NR3C2: variants seen among roughly 807,000 people sequenced by gnomAD.
NR3C2 encodes the protein nuclear receptor subfamily 3 group C member 2.
NR3C2 carries 15 observed loss-of-function variants against 86.4 expected under a neutral mutation model. The observed-to-expected ratio is 0.17, with a 90% CI of 0.12 to 0.27. NR3C2 has a LOEUF of 0.27. Among genes scored for constraint, NR3C2 ranks in the 10% least tolerant of loss-of-function variants. The pLI is 1.00. For synonymous variants in NR3C2, 458 were observed against 450.5 expected, an observed-to-expected ratio of 1.02 and a Z score of -0.21; for missense variants, 960 against 1,195.6, an observed-to-expected ratio of 0.80 and a Z score of 2.91.
chr4:148,272,922 AAAG>A (rs1304467829), intron 2 of NR3C2, among the ~76,000 whole-genome samples: 1 of 152,216 alleles, frequency 6.6e-6, no homozygotes, highest in African/African-American at 2.4e-5. Flanking sequence ...AGAAAAAGAT[AAAG>A]AAGTTGAAGT....
At chr4:148,336,166 G>A (rs770822183) in intron 2 of NR3C2, among the ~76,000 whole-genome samples, 1 of 152,186 alleles carries the variant, frequency 6.6e-6, no homozygotes, top group Non-Finnish European at 1.5e-5. Flanking sequence ...GAAGGGATCA[G>A]AACAAGTGTT....
At chr4:148,088,373 C>A (rs574862652) in intron 8 of NR3C2, among the ~76,000 whole-genome samples, 17 of 152,136 alleles carry the variant, frequency 1.1e-4, no homozygotes, top group Admixed American at 9.2e-4. Context: ...GGGTATATAC[C>A]CAAAGGATTA....
intron 2 of NR3C2, among the ~76,000 whole-genome samples, chr4:148,416,140 C>T (rs2126587711): frequency 6.6e-6 from 1 of 152,068 alleles, no homozygotes; most frequent in Middle Eastern, 3.4e-3. Flanking sequence ...ATAAGTTTAC[C>T]AAGATTTGGC....
At chr4:148,287,908 C>T (rs1478769120) in intron 2 of NR3C2, among the ~76,000 whole-genome samples, 1 of 152,052 alleles carries the variant, frequency 6.6e-6, no homozygotes, top group East Asian at 1.9e-4. Context: ...TAGATAATAC[C>T]TACTGAAATA....
chr4:148,309,727 T>C (rs1443346059), intron 2 of NR3C2, among the ~76,000 whole-genome samples: 1 of 152,270 alleles, frequency 6.6e-6, no homozygotes, highest in Admixed American at 6.5e-5. Context: ...GAAATCTTCA[T>C]ATTATCTCTC....
chr4:148,226,221 A>G (rs1362552931), intron 3 of NR3C2, among the ~76,000 whole-genome samples: 1 of 152,150 alleles, frequency 6.6e-6, no homozygotes, highest in African/African-American at 2.4e-5. Context: ...CAATATAGTA[A>G]GTCTGGATAA....
chr4:148,144,745 A>C (rs1364194440), intron 6 of NR3C2, among the ~76,000 whole-genome samples: 1 of 152,304 alleles, frequency 6.6e-6, no homozygotes, highest in Non-Finnish European at 1.5e-5. Context: ...TCAGGTGGGA[A>C]GATGGCCTCT....
chr4:148,269,008 G>A (rs998336869), intron 2 of NR3C2, among the ~76,000 whole-genome samples: 1 of 152,110 alleles, frequency 6.6e-6, no homozygotes, highest in Non-Finnish European at 1.5e-5. Flanking sequence ...GAGAAAGGCT[G>A]GAATGTAACT....
intron 2 of NR3C2, among the ~76,000 whole-genome samples, chr4:148,426,249 A>ACAATC (rs1442635815): frequency 6.6e-6 from 1 of 152,192 alleles, no homozygotes; most frequent in Non-Finnish European, 1.5e-5. Flanking sequence ...TTAGCCAATC[A>ACAATC]CAATCCAATC....
chr4:148,443,530 C>T (rs1258185904), upstream of NR3C2, among the ~76,000 whole-genome samples: 6 of 152,172 alleles, frequency 3.9e-5, no homozygotes, highest in Non-Finnish European at 8.8e-5. Context: ...CCAACCGCCC[C>T]CTCCTCGATT....
At chr4:148,261,819 C>T (rs1277838433) in intron 2 of NR3C2, among the ~76,000 whole-genome samples, 2 of 152,094 alleles carry the variant, frequency 1.3e-5, no homozygotes, top group African/African-American at 2.4e-5. Context: ...GATAATAATG[C>T]GTTAATATTT....
intron 8 of NR3C2, among the ~76,000 whole-genome samples, chr4:148,097,741 G>GTTTTTCT (rs1731349786): frequency 9.3e-6 from 1 of 107,504 alleles, no homozygotes; most frequent in African/African-American, 4.3e-5. Flanking sequence ...ACTTTTTTGC[G>GTTTTTCT]TTTTTTTTTG....
At chr4:148,108,202 C>A (rs561338803) in intron 8 of NR3C2, among the ~76,000 whole-genome samples, 5 of 152,056 alleles carry the variant, frequency 3.3e-5, no homozygotes, top group Non-Finnish European at 5.9e-5. Context: ...CTCCTGGGCT[C>A]AAACAATCTT....
At chr4:148,375,946 T>G (rs1216982197) in intron 2 of NR3C2, among the ~76,000 whole-genome samples, 1 of 152,136 alleles carries the variant, frequency 6.6e-6, no homozygotes. Flanking sequence ...AAAAGAGAAT[T>G]AGGAAGTCAC....
intron 6 of NR3C2, among the ~76,000 whole-genome samples, chr4:148,142,270 A>C (rs917884361): frequency 6.6e-6 from 1 of 152,156 alleles, no homozygotes; most frequent in Non-Finnish European, 1.5e-5. Flanking sequence ...CAGCGCCCAC[A>C]CTAATGCGGG....
At chr4:148,095,497 G>C (rs371122817) in intron 8 of NR3C2, among the ~76,000 whole-genome samples, 36 of 152,346 alleles carry the variant, frequency 2.4e-4, no homozygotes, top group African/African-American at 7.9e-4. Flanking sequence ...TTCCTGGCAG[G>C]CTCTCTGAGT....
At chr4:148,081,951 C>T (rs1730582947) in intron 8 of NR3C2, among the ~76,000 whole-genome samples, 1 of 152,184 alleles carries the variant, frequency 6.6e-6, no homozygotes. Context: ...GGGTGAGGAG[C>T]AGGACAGAGC....
At chr4:148,211,297 G>A (rs935156390) in intron 3 of NR3C2, among the ~76,000 whole-genome samples, 1 of 152,228 alleles carries the variant, frequency 6.6e-6, no homozygotes, top group Non-Finnish European at 1.5e-5. Flanking sequence ...CATGTGTATA[G>A]ATACCTATTA....
chr4:148,392,300 A>C (rs190789184), intron 2 of NR3C2, among the ~76,000 whole-genome samples: 1 of 152,344 alleles, frequency 6.6e-6, no homozygotes, highest in Admixed American at 6.5e-5. Flanking sequence ...GTGTTCTATG[A>C]ATGTCCTAAA....
Sources: gnomAD v4.1 joint callset for allele counts (sites outside exome capture counted in the v4.1 genomes callset) on GRCh38, gnomAD v4.1.1 for gene constraint, MANE v1.5 for transcripts, NCBI Gene and HGNC (gene_info 2026-07-23, HGNC 2026-07-21) for gene names.